Variants in SBNO1 observed in about 807,000 individuals in gnomAD.
The protein encoded by SBNO1 is protein strawberry notch homolog 1.
SBNO1 carries 23 observed loss-of-function variants against 173.6 expected under a neutral mutation model. The observed-to-expected ratio is 0.13, with a 90% CI of 0.10 to 0.19. The LOEUF (loss-of-function observed/expected upper bound fraction) is 0.19. Among genes scored for constraint, SBNO1 ranks in the 10% least tolerant of loss-of-function variants. SBNO1 has a pLI of 1.00. For synonymous variants in SBNO1, 632 were observed against 571.5 expected, an observed-to-expected ratio of 1.11 and a Z score of -1.51; for missense variants, 1,238 against 1,671.2, an observed-to-expected ratio of 0.74 and a Z score of 4.52.
At position 123,320,714 on chromosome 12, in the gene SBNO1, G is replaced by A. The variant is rs61760909; in HGVS notation, c.2476C>T (p.Pro826Ser). The change falls in exon 18 of 32, where the codon CCT becomes TCT. Residue 826 changes from proline to serine, a missense_variant. Around this residue, in one of 14 missense-constraint regions of SBNO1, gnomAD observed 74 missense variants for 68.5 expected, o/e 1.08. Coordinates refer to ENST00000602398, the MANE Select transcript of SBNO1 (RefSeq NM_001167856.3). Reference protein sequence around the residue: ...FSSTPVISPAPNSTPANSNTN... With the variant: ...FSSTPVISPASNSTPANSNTN... ...GTATGGATACCTGGTGTACTGTTAG[G>A]AGCAGGTGAGATAACTGGTGTAGAT... The A allele has an allele frequency of 0.013, 20,124 of 1,608,602 alleles. 151 individuals carry two copies. The highest frequency in any genetic ancestry group is 0.015 in the Non-Finnish European group (17,583 of 1,178,600).
intron 19 of SBNO1, 28 bp downstream of exon 19, chr12:123,320,404 T>C (rs747573001): frequency 1.9e-6 from 3 of 1,582,020 alleles, no homozygotes; most frequent in Admixed American, 1.8e-5. Flanking sequence ...ATGGCAAAAA[T>C]GTCACCAAGA....
chr12:123,313,723 C>A lies in SBNO1; in HGVS notation c.3121-4G>T, dbSNP rs1566029135. 5 of 1,532,866 alleles carry A rather than the reference C, an allele frequency of 3.3e-6. No individual in the cohort carries two copies. The highest frequency in any genetic ancestry group is 3.5e-5 in the Admixed American group (2 of 57,086). The allele number at this position is 1,532,866 out of a possible 1,614,324, so 95.0% of individuals were successfully genotyped here. The stretch of plus-strand genomic sequence containing the variant: ...TTTCTAAAGCATTTCTTCCATACTG[C>A]AAAAAAAAATCAAAACCTTTAACCA... On this transcript the variant is annotated splice_polypyrimidine_tract_variant and splice_region_variant and intron_variant, in intron 23 of 31. Coordinates refer to ENST00000602398, the MANE Select transcript of SBNO1 (RefSeq NM_001167856.3).
chr12:123,342,193 T>C (rs1035450949), intron 4 of SBNO1, among the ~76,000 whole-genome samples: 1 of 151,868 alleles, frequency 6.6e-6, no homozygotes, highest in South Asian at 2.1e-4. Context: ...GAGGCTGCAG[T>C]GAGCTGAGAT....
At chr12:123,336,119 GCA>G (rs1207746597) in intron 6 of SBNO1, among the ~76,000 whole-genome samples, 2 of 152,032 alleles carry the variant, frequency 1.3e-5, no homozygotes, top group African/African-American at 4.8e-5. Context: ...AATTCAAATA[GCA>G]CAATTATTTT....
At position 123,290,584 on chromosome 12, in the gene SBNO1, C is replaced by A. The variant is rs2048496284; in HGVS notation, c.*5324G>T. The A allele has an allele frequency of 6.6e-6, 1 of 152,172 alleles. No homozygotes were observed. The highest frequency in any genetic ancestry group is 2.4e-5 in the African/African-American group (1 of 41,442). The allele number at this position is 152,172 out of a possible 1,614,324, so 9.4% of individuals were successfully genotyped here. On this transcript the variant is annotated 3_prime_UTR_variant, in exon 32 of 32. Transcript: ENST00000602398. ...TGTAGACAAGATCCACTCACCGATA[C>A]AAGGGTGGAGAGCACAGCCGTTCAG...
At chr12:123,302,034 G>C (rs1013260355) in intron 30 of SBNO1, among the ~76,000 whole-genome samples, 15 of 151,630 alleles carry the variant, frequency 9.9e-5, no homozygotes, top group Admixed American at 3.3e-4. Flanking sequence ...TCCGCCTCCC[G>C]GGTTCAAACA....
rs762626025 is a variant in SBNO1, at chr12:123,289,116, TATTTA to T, written c.*6787_*6791del. On this transcript the variant is annotated 3_prime_UTR_variant, in exon 32 of 32. Transcript: ENST00000602398. ...CAAAGAAAGCACAACCCGTGACTCG[TATTTA>T]ATTTATTTAGAATCTTACAAAAACA... is the stretch of plus-strand genomic sequence containing the variant. 55 of 152,314 alleles carry T rather than the reference TATTTA, an allele frequency of 3.6e-4. No homozygotes were observed. Among genetic ancestry groups the T allele is most frequent in the Middle Eastern group, 3.4e-3 (1 of 294 alleles). 9.4% of individuals were successfully genotyped at this position (152,314 alleles called of 1,614,324 possible). A position where few individuals can be genotyped will look rare whatever the true frequency, so the allele number is the denominator to read the frequency against.
At chr12:123,350,136 C>T (rs1013969102) in intron 2 of SBNO1, among the ~76,000 whole-genome samples, 174 bp downstream of exon 2, 5 of 152,048 alleles carry the variant, frequency 3.3e-5, no homozygotes, top group Admixed American at 2.0e-4. Flanking sequence ...TGCCTATAGT[C>T]CCAGCTACTT....
At chr12:123,320,897 C>A in intron 17 of SBNO1, 31 bp from the exon 18 acceptor site, 1 of 1,471,730 alleles carries the variant, frequency 6.8e-7, no homozygotes. Flanking sequence ...CATGTCAAAT[C>A]ATTTGTTAAA....
intron 20 of SBNO1, 30 bp from the exon 21 acceptor site, chr12:123,317,386 C>G (rs745998818): frequency 6.2e-7 from 1 of 1,611,258 alleles, no homozygotes; most frequent in East Asian, 2.2e-5. Context: ...AATAAAGTCA[C>G]TTTTGCATAA....
rs567813637 is a variant in SBNO1, at chr12:123,352,965, T to C, written c.1-2524A>G. On this transcript the variant is annotated intron_variant, in intron 1 of 31. Coordinates refer to ENST00000602398, the MANE Select transcript of SBNO1 (RefSeq NM_001167856.3). ...GCCGCCCGCCACCATGCCCAGCTAA[T>C]TTTTTGTATTTTAGTAGAGATGGGG... Among the ~76,000 whole-genome samples the C allele has an allele frequency of 8.1e-4, 124 of 152,162 alleles. 1 individual carries two copies. Among genetic ancestry groups the C allele is most frequent in the African/African-American group, 2.9e-3 (121 of 41,532 alleles).
chr12:123,306,786 AAATATTACCACTGGGGTAACT>A (rs63485260), intron 28 of SBNO1, among the ~76,000 whole-genome samples: 7,195 of 152,086 alleles, frequency 0.047, 301 homozygotes, highest in East Asian at 0.25. Flanking sequence ...CAGTTTTAAA[AAATATTACCACTGGGGTAACT>A]GATAAAAGTA....
chr12:123,336,361 T>C lies in SBNO1; in HGVS notation c.748+34A>G, dbSNP rs989767361. 6 of 1,265,624 alleles carry C rather than the reference T, an allele frequency of 4.7e-6. No individual in the cohort carries two copies. In the South Asian group the frequency reaches 7.8e-5, roughly 16 times the overall value. 78.4% of individuals were successfully genotyped at this position (1,265,624 alleles called of 1,614,324 possible). A position where few individuals can be genotyped will look rare whatever the true frequency, so the allele number is the denominator to read the frequency against. On this transcript the variant is annotated intron_variant, in intron 6 of 31. Transcript: ENST00000602398. ...AACCAAAGAAACCACAGGAAAACTTTGATGTAAATATCTGACAAATCCCGA... is the reference window on the plus strand; with the variant it reads ...AACCAAAGAAACCACAGGAAAACTTCGATGTAAATATCTGACAAATCCCGA...
intron 7 of SBNO1, among the ~76,000 whole-genome samples, chr12:123,333,161 C>T (rs1398119452): frequency 1.3e-5 from 2 of 151,948 alleles, no homozygotes; most frequent in Non-Finnish European, 2.9e-5. Flanking sequence ...CAGGCGTGAG[C>T]CACCATGCCC....
At chr12:123,336,818 A>C (rs755210904) in intron 5 of SBNO1, among the ~76,000 whole-genome samples, 29 of 152,142 alleles carry the variant, frequency 1.9e-4, no homozygotes, top group Non-Finnish European at 3.2e-4. Flanking sequence ...CTCTGCACTC[A>C]GACTTCGCCT....
At chr12:123,360,274 C>T (rs1025526952) in intron 1 of SBNO1, among the ~76,000 whole-genome samples, 2 of 151,834 alleles carry the variant, frequency 1.3e-5, no homozygotes, top group Non-Finnish European at 2.9e-5. Context: ...TATCTTTACA[C>T]CAACTTTAGA....
At chr12:123,339,519 A>C (rs1337266277) in intron 5 of SBNO1, among the ~76,000 whole-genome samples, 1 of 151,986 alleles carries the variant, frequency 6.6e-6, no homozygotes, top group Non-Finnish European at 1.5e-5. Flanking sequence ...AATTCAGCAC[A>C]GGGCACCTTG....
chr12:123,303,111 T>C (rs2048835984), intron 29 of SBNO1, among the ~76,000 whole-genome samples: 1 of 152,182 alleles, frequency 6.6e-6, no homozygotes, highest in Non-Finnish European at 1.5e-5. Flanking sequence ...ACTACTTAAC[T>C]ATAATTGTTT....
intron 1 of SBNO1, among the ~76,000 whole-genome samples, chr12:123,356,635 G>A (rs1874494801): frequency 6.6e-6 from 1 of 152,156 alleles, no homozygotes; most frequent in Non-Finnish European, 1.5e-5. Context: ...GTAGACACGG[G>A]GTTTTACCAT....
Sources: allele counts gnomAD v4.1 joint callset (sites outside exome capture counted in the v4.1 genomes callset), GRCh38; gene constraint gnomAD v4.1.1; regional missense constraint gnomAD v4.1.1; transcripts MANE v1.5; gene names NCBI Gene and HGNC (gene_info 2026-07-23, HGNC 2026-07-21).